CYLD: variants seen among roughly 807,000 people sequenced by gnomAD.
CYLD encodes the protein ubiquitin carboxyl-terminal hydrolase CYLD.
A neutral mutation model predicts 104.5 loss-of-function variants in CYLD; 26 were observed. The ratio of observed to expected loss-of-function variants is 0.25; its 90% CI spans 0.18 to 0.35. The LOEUF (loss-of-function observed/expected upper bound fraction) is 0.35, where lower values mean the gene tolerates loss of function less well. Among genes scored for constraint, CYLD ranks in the 10% least tolerant of loss-of-function variants. The pLI is 1.00. For missense variants in CYLD, 703 were observed against 1,136.1 expected, an observed-to-expected ratio of 0.62 and a Z score of 5.48; for synonymous variants, 385 against 399.9, an observed-to-expected ratio of 0.96 and a Z score of 0.45.
chr16:50,780,680 G>C (rs1388724721), intron 9 of CYLD, among the ~76,000 whole-genome samples: 2 of 152,008 alleles, frequency 1.3e-5, no homozygotes, highest in Non-Finnish European at 2.9e-5. Flanking sequence ...CATCATGCTT[G>C]GTAATTTTTT....
chr16:50,760,966 T>G (rs946008285), intron 5 of CYLD, among the ~76,000 whole-genome samples: 8 of 152,208 alleles, frequency 5.3e-5, no homozygotes. Flanking sequence ...CTAACTTTTT[T>G]CCCAATCTGA....
chr16:50,798,283 T>G lies in CYLD; in HGVS notation c.*1775T>G, dbSNP rs1231394452. On this transcript the variant is annotated 3_prime_UTR_variant, in exon 19 of 19. Coordinates refer to ENST00000427738, the MANE Select transcript of CYLD (RefSeq NM_001378743.1). ...ATCTGCAGGTTTCTCATCCATGGAT[T>G]CAACCAACTGCAAATGGAAAATACG... 7 of 232,146 alleles carry G rather than the reference T, an allele frequency of 3.0e-5. No homozygotes were observed. Among genetic ancestry groups the G allele is most frequent in the Admixed American group, 1.1e-4 (2 of 17,754 alleles). The allele number at this position is 232,146 out of a possible 1,614,324, so 14.4% of individuals were successfully genotyped here. A position where few individuals can be genotyped will look rare whatever the true frequency, so the allele number is the denominator to read the frequency against.
At chr16:50,755,042 C>CAT (rs201511377) in intron 5 of CYLD, among the ~76,000 whole-genome samples, 2 of 22,860 alleles carry the variant, frequency 8.7e-5, no homozygotes, top group Admixed American at 4.1e-4. Flanking sequence ...TGTATATATA[C>CAT]ATATATATGT....
Position 50,782,479 on chromosome 16 carries a change from A to C in CYLD, c.1826+13A>C, listed in dbSNP as rs747448289. 1.4e-5 allele frequency: 23 copies of C among 1,613,430 alleles called. No homozygotes were observed. Among genetic ancestry groups the C allele is most frequent in the Middle Eastern group, 1.6e-4 (1 of 6,082 alleles). On this transcript the variant is annotated intron_variant, in intron 11 of 18. Transcript: ENST00000427738. ...CAACCTTATTCTGGTAAGTTTAAAA[A>C]GAATGCAATAGGTATAGATAGTGCC...
chr16:50,779,073 C>G (rs1969962850), intron 8 of CYLD, among the ~76,000 whole-genome samples: 1 of 152,034 alleles, frequency 6.6e-6, no homozygotes, highest in Non-Finnish European at 1.5e-5. Flanking sequence ...TGTTTTCTCT[C>G]TTCTGTTGTT....
chr16:50,784,288 A>G, intron 11 of CYLD, 41 bp from the exon 12 acceptor site: 1 of 1,603,616 alleles, frequency 6.2e-7, no homozygotes, highest in African/African-American at 1.3e-5. Flanking sequence ...CTTGAAAAAT[A>G]TGTTTACAGC....
intron 6 of CYLD, among the ~76,000 whole-genome samples, chr16:50,775,812 G>A (rs1056346262): frequency 6.6e-6 from 1 of 152,066 alleles, no homozygotes; most frequent in South Asian, 2.1e-4. Context: ...AATACACAGG[G>A]GTGTTCTAAG....
chr16:50,755,411 G>T (rs1444030605), intron 5 of CYLD, among the ~76,000 whole-genome samples: 1 of 152,004 alleles, frequency 6.6e-6, no homozygotes, highest in Non-Finnish European at 1.5e-5. Context: ...GGGATTGCTG[G>T]ATCAAACGCT....
chr16:50,795,309 C>T (rs1971917160), intron 18 of CYLD, among the ~76,000 whole-genome samples: 2 of 152,186 alleles, frequency 1.3e-5, no homozygotes, highest in African/African-American at 2.4e-5. Context: ...CATGTAGTAT[C>T]TTTCTCCCTG....
At position 50,787,610 on chromosome 16, in the gene CYLD, T is replaced by A. The variant is rs555586303; in HGVS notation, c.2042-176T>A. 3.0e-4 allele frequency: 165 copies of A among 543,604 alleles called. No individual in the cohort carries two copies. The African/African-American group carries it at 3.1e-3, about 10-fold the overall frequency. 33.7% of individuals were successfully genotyped at this position (543,604 alleles called of 1,614,324 possible). ...AACATAATACTTGATTATAACTTAT[T>A]AAATGTCTTTTATGTTTTTCCTTTG... On this transcript the variant is annotated intron_variant, in intron 13 of 18. Transcript: ENST00000427738.
At chr16:50,781,179 C>G in intron 9 of CYLD, 67 bp from the exon 10 acceptor site, 3 of 1,570,238 alleles carry the variant, frequency 1.9e-6, no homozygotes. Flanking sequence ...GTCTTAGAAA[C>G]CTTAGTTCTT....
Position 50,799,999 on chromosome 16 carries a change from G to T in CYLD, c.*3491G>T. 4.3e-6 allele frequency: 1 copy of T among 233,126 alleles called. No individual in the cohort carries two copies. The highest frequency in any genetic ancestry group is 8.5e-6 in the Non-Finnish European group (1 of 117,984). 14.4% of individuals were successfully genotyped at this position (233,126 alleles called of 1,614,324 possible). A position where few individuals can be genotyped will look rare whatever the true frequency, so the allele number is the denominator to read the frequency against. On this transcript the variant is annotated 3_prime_UTR_variant, in exon 19 of 19. Coordinates refer to ENST00000427738, the MANE Select transcript of CYLD (RefSeq NM_001378743.1). The stretch of plus-strand genomic sequence containing the variant: ...CTATTAAAGGCTACTTAGCTGAAGG[G>T]TAAGGGTGACAGGTCTAGGGGAAGC...
At chr16:50,763,001 C>T (rs894646845) in intron 5 of CYLD, among the ~76,000 whole-genome samples, 1 of 152,174 alleles carries the variant, frequency 6.6e-6, no homozygotes, top group Non-Finnish European at 1.5e-5. Flanking sequence ...AGAAACGCTG[C>T]ACCCCTTAGT....
intron 4 of CYLD, among the ~76,000 whole-genome samples, chr16:50,753,649 C>T (rs2091450189): frequency 6.6e-6 from 1 of 152,198 alleles, no homozygotes; most frequent in Non-Finnish European, 1.5e-5. Flanking sequence ...TTTCCAGGGA[C>T]ATTTTAGCAT....
chr16:50,776,393 A>G, intron 7 of CYLD, 116 bp downstream of exon 7: 1 of 795,908 alleles, frequency 1.3e-6, no homozygotes, highest in South Asian at 1.5e-5. Context: ...TTTTTCTTTC[A>G]AACATTTTTA....
At position 50,779,912 on chromosome 16, in the gene CYLD, G is replaced by A. The variant is rs2150991452; in HGVS notation, c.1386G>A (p.Met462Ile). ...TCCAAGAGAGTCCACCCTTGGCCAT[G>A]CCTCCTGGGAACTCACATGGTCTAG... ...APVQESPPLA[M>I]PPGNSHGLEV... Residue 462 changes from methionine to isoleucine, a missense_variant, in exon 9 of 19, where the codon ATG (methionine) becomes ATA (isoleucine). Around this residue, in one of 5 missense-constraint regions of CYLD, gnomAD observed 183 missense variants for 212.1 expected, o/e 0.86. Coordinates refer to ENST00000427738, the MANE Select transcript of CYLD (RefSeq NM_001378743.1). 6.2e-7 allele frequency: 1 copy of A among 1,614,028 alleles called. No individual in the cohort carries two copies. Among genetic ancestry groups the A allele is most frequent in the Non-Finnish European group, 8.5e-7 (1 of 1,179,894 alleles).
chr16:50,797,287 G>A lies in CYLD; in HGVS notation c.*779G>A, dbSNP rs190787930. 814 of 232,204 alleles carry A rather than the reference G, an allele frequency of 3.5e-3. 2 individuals are homozygous for A. Among genetic ancestry groups the A allele is most frequent in the Non-Finnish European group, 5.3e-3 (619 of 117,412 alleles). 14.4% of individuals were successfully genotyped at this position (232,204 alleles called of 1,614,324 possible). A position where few individuals can be genotyped will look rare whatever the true frequency, so the allele number is the denominator to read the frequency against. On this transcript the variant is annotated 3_prime_UTR_variant, in exon 19 of 19. Transcript: ENST00000427738. Reference sequence around the variant, plus strand: ...AACTATTAATATTTTATGGAATGGGGCAAAGTAAATTGATGAAAGAATTGG... The same window carrying A: ...AACTATTAATATTTTATGGAATGGGACAAAGTAAATTGATGAAAGAATTGG...
rs1597059370 is a variant in CYLD at position 50,782,544 on chromosome 16, G to C, written c.1826+78G>C. 5 of 1,435,316 alleles carry C rather than the reference G, an allele frequency of 3.5e-6. No homozygotes were observed. In the East Asian group the frequency reaches 1.1e-4, roughly 33 times the overall value. The allele number at this position is 1,435,316 out of a possible 1,614,324, so 88.9% of individuals were successfully genotyped here. A position where few individuals can be genotyped will look rare whatever the true frequency, so the allele number is the denominator to read the frequency against. The stretch of plus-strand genomic sequence containing the variant: ...CATACCGGTGTGTGTGTGTGTGTGC[G>C]TGTGAGTGTGTGTGAAAGAAACTGC... On this transcript the variant is annotated intron_variant, in intron 11 of 18. Transcript: ENST00000427738.
At chr16:50,749,257 A>G (rs962893289) in intron 2 of CYLD, among the ~76,000 whole-genome samples, 1 of 152,208 alleles carries the variant, frequency 6.6e-6, no homozygotes, top group African/African-American at 2.4e-5. Context: ...TATAAGGGTA[A>G]TCTTTAAAAG....
Sources: gnomAD v4.1 joint callset for allele counts (sites outside exome capture counted in the v4.1 genomes callset) on GRCh38, gnomAD v4.1.1 for gene constraint, gnomAD v4.1.1 regional missense constraint, MANE v1.5 for transcripts, NCBI Gene and HGNC (gene_info 2026-07-23, HGNC 2026-07-21) for gene names.